Variants in EIPR1 observed in about 807,000 individuals in gnomAD.
EIPR1 encodes EARP complex and GARP complex interacting protein 1, also known as EARP and GARP complex-interacting protein 1.
In EIPR1, 25 loss-of-function variants were observed where a neutral mutation model predicts 48.1. The ratio of observed to expected loss-of-function variants is 0.52; its 90% CI spans 0.38 to 0.73. The LOEUF is 0.73. EIPR1 is among the 30% of genes least tolerant of loss of function. The pLI, the probability that EIPR1 is intolerant of heterozygous loss-of-function variation, is 0.00. For synonymous variants in EIPR1, 204 were observed against 201.9 expected (o/e 1.01, Z -0.09); for missense variants, 415 against 506.2 (o/e 0.82, Z 1.73).
chr2:3,269,365 ACTCAATCATCG>A, intron 3 of EIPR1, among the ~76,000 whole-genome samples: 1 of 70,010 alleles, frequency 1.4e-5, no homozygotes, highest in Admixed American at 1.5e-4. Context: ...CAGTCATCGC[ACTCAATCATCG>A]CACTCAGTCA....
chr2:3,225,222 A>ATATGTGTG (rs1205379602), intron 4 of EIPR1, among the ~76,000 whole-genome samples: 1 of 136,928 alleles, frequency 7.3e-6, no homozygotes, highest in Admixed American at 7.4e-5. Context: ...ACACTGTGAT[A>ATATGTGTG]TGTGTGTGTG....
At chr2:3,357,470 T>C (rs4854124) in intron 1 of EIPR1, among the ~76,000 whole-genome samples, 24,726 of 152,160 alleles carry the variant, frequency 0.16, 2,244 homozygotes, top group Non-Finnish European at 0.21. Context: ...CCTACCTTAA[T>C]ATGCAGACAA....
intron 3 of EIPR1, chr2:3,274,538 C>G: frequency 7.6e-7 from 1 of 1,321,788 alleles, no homozygotes; most frequent in African/African-American, 1.5e-5. Flanking sequence ...TTTTTAAAAC[C>G]ATGAGAATTT....
intron 4 of EIPR1, among the ~76,000 whole-genome samples, chr2:3,225,537 C>T (rs1019855682): frequency 5.3e-5 from 8 of 152,322 alleles, no homozygotes; most frequent in East Asian, 1.9e-4. Flanking sequence ...TGCGCCACCA[C>T]GCCTGGCCGC....
At chr2:3,261,579 C>T (rs1667336678) in intron 3 of EIPR1, 1 of 152,256 alleles carries the variant, frequency 6.6e-6, no homozygotes, top group Non-Finnish European at 1.5e-5. Context: ...AAGGGTAATC[C>T]CCACACATTT....
chr2:3,345,350 A>G (rs370020842), intron 2 of EIPR1, among the ~76,000 whole-genome samples: 1 of 152,300 alleles, frequency 6.6e-6, no homozygotes, highest in East Asian at 1.9e-4. Flanking sequence ...GCTCACACCT[A>G]TAACCCCAGC....
intron 3 of EIPR1, among the ~76,000 whole-genome samples, chr2:3,272,879 G>A (rs1199511785): frequency 1.3e-5 from 2 of 152,194 alleles, no homozygotes; most frequent in African/African-American, 2.4e-5. Flanking sequence ...AGTGCAATAC[G>A]ATGAGGTGCG....
At chr2:3,375,032 A>G (rs1391566840) in intron 1 of EIPR1, among the ~76,000 whole-genome samples, 1 of 149,006 alleles carries the variant, frequency 6.7e-6, no homozygotes, top group Non-Finnish European at 1.5e-5. Context: ...CATATACACC[A>G]TGGAATACTA....
intron 3 of EIPR1, among the ~76,000 whole-genome samples, chr2:3,305,121 A>C (rs1445596408): frequency 1.6e-5 from 2 of 123,198 alleles, no homozygotes; most frequent in African/African-American, 6.5e-5. Context: ...ACTCCCGTCC[A>C]GTTCAGCCCT....
intron 5 of EIPR1, among the ~76,000 whole-genome samples, chr2:3,199,595 C>A (rs184266533): frequency 6.6e-6 from 1 of 152,286 alleles, no homozygotes; most frequent in African/African-American, 2.4e-5. Context: ...ACAGGGTACC[C>A]ATGACTCCAT....
At chr2:3,257,959 G>A (rs1430964149) in intron 3 of EIPR1, among the ~76,000 whole-genome samples, 2 of 152,212 alleles carry the variant, frequency 1.3e-5, no homozygotes, top group African/African-American at 4.8e-5. Context: ...AAAGTGATGA[G>A]TATCTGGGAC....
At chr2:3,345,892 C>G (rs1350248542) in intron 2 of EIPR1, among the ~76,000 whole-genome samples, 1 of 152,166 alleles carries the variant, frequency 6.6e-6, no homozygotes, top group Non-Finnish European at 1.5e-5. Context: ...TAATCTTTCT[C>G]TTGGTTTATA....
chr2:3,277,815 C>A (rs1460578515), intron 3 of EIPR1, among the ~76,000 whole-genome samples: 1 of 152,218 alleles, frequency 6.6e-6, no homozygotes, highest in Non-Finnish European at 1.5e-5. Flanking sequence ...ATCTGTGCGT[C>A]TCTCAGGCTG....
intron 4 of EIPR1, among the ~76,000 whole-genome samples, chr2:3,247,980 G>A (rs1175716738): frequency 3.3e-5 from 5 of 152,130 alleles, no homozygotes; most frequent in African/African-American, 4.8e-5. Context: ...CGACATAGTC[G>A]AGATGTTTGT....
intron 5 of EIPR1, among the ~76,000 whole-genome samples, chr2:3,203,735 C>G (rs1158135760): frequency 6.6e-6 from 1 of 152,232 alleles, no homozygotes; most frequent in African/African-American, 2.4e-5. Flanking sequence ...AGGGCGGGGT[C>G]CCTCAGCGGA....
intron 4 of EIPR1, among the ~76,000 whole-genome samples, chr2:3,218,546 C>G (rs748057139): frequency 6.9e-6 from 1 of 145,874 alleles, no homozygotes; most frequent in African/African-American, 2.5e-5. Context: ...ACACTCAACA[C>G]GACCCTGGTA....
At chr2:3,241,836 A>C (rs1382425368) in intron 4 of EIPR1, among the ~76,000 whole-genome samples, 1 of 152,254 alleles carries the variant, frequency 6.6e-6, no homozygotes, top group African/African-American at 2.4e-5. Context: ...CTAATTCGGC[A>C]GGTTTCATGC....
At position 3,316,238 on chromosome 2, in the gene EIPR1, C is replaced by G. The variant is rs574345425; in HGVS notation, c.259+21779G>C. On this transcript the variant is annotated intron_variant, in intron 3 of 8. Transcript: ENST00000382125. ...CCACTGTTATCGCCACCACCATTAT[C>G]ATCATCACCACCATCCCCACTCCCA... Among the ~76,000 whole-genome samples, 4 of 151,712 alleles carry G rather than the reference C, an allele frequency of 2.6e-5. No individual in the cohort carries two copies. The East Asian group carries it at 7.8e-4, about 30-fold the overall frequency.
At chr2:3,371,846 A>G (rs553387200) in intron 1 of EIPR1, among the ~76,000 whole-genome samples, 1 of 152,298 alleles carries the variant, frequency 6.6e-6, no homozygotes, top group South Asian at 2.1e-4. Flanking sequence ...TAAAAAGGAT[A>G]CCCAGGAATT....
Sources: gnomAD v4.1 joint callset for allele counts (sites outside exome capture counted in the v4.1 genomes callset) on GRCh38, gnomAD v4.1.1 for gene constraint, MANE v1.5 for transcripts, NCBI Gene and HGNC (gene_info 2026-07-23, HGNC 2026-07-21) for gene names.